Variants in NTRK1 observed in about 807,000 individuals in gnomAD.
NTRK1 encodes the protein high affinity nerve growth factor receptor.
A neutral mutation model predicts 86.8 loss-of-function variants in NTRK1; 62 were observed. The ratio of observed to expected loss-of-function variants is 0.71; its 90% confidence interval spans 0.58 to 0.88. The LOEUF (loss-of-function observed/expected upper bound fraction) is 0.88. NTRK1 is among the 40% of genes least tolerant of loss of function. The pLI, the probability that NTRK1 is intolerant of heterozygous loss-of-function variation, is 0.00. For synonymous variants in NTRK1, 469 were observed against 456.6 expected, an observed-to-expected ratio of 1.03 and a Z score of -0.35; for missense variants, 967 against 1,078.4, an observed-to-expected ratio of 0.90 and a Z score of 1.45.
chr1:156,852,036 C>T, intron 2 of NTRK1: 1 of 1,613,542 alleles, frequency 6.2e-7, no homozygotes, highest in Non-Finnish European at 8.5e-7. Context: ...TGGTAGGTGC[C>T]TGGCGGGCAG....
chr1:156,853,924 C>A (rs140302448), intron 2 of NTRK1: 10 of 1,613,980 alleles, frequency 6.2e-6, no homozygotes, highest in Non-Finnish European at 7.6e-6. Flanking sequence ...GCAGCAGTCC[C>A]CAGTCAATGG....
intron 1 of NTRK1, among the ~76,000 whole-genome samples, chr1:156,830,547 ATTCTTTTTT>A (rs1558077524): frequency 1.8e-5 from 2 of 110,732 alleles, no homozygotes; most frequent in Non-Finnish European, 3.6e-5. Flanking sequence ...AGGTTGTGGG[ATTCTTTTTT>A]TTTTTTTTTT....
At chr1:156,845,054 G>GGT (rs769468285) in intron 2 of NTRK1, 37 of 1,590,586 alleles carry the variant, frequency 2.3e-5, no homozygotes, top group Non-Finnish European at 2.8e-5. Context: ...GGGGGTAGAA[G>GGT]GTGTGTGTGT....
chr1:156,821,772 A>G (rs1654198019), intron 1 of NTRK1, among the ~76,000 whole-genome samples: 2 of 152,198 alleles, frequency 1.3e-5, no homozygotes, highest in Admixed American at 1.3e-4. Flanking sequence ...CACACGTTGG[A>G]GTAATCCACA....
chr1:156,827,045 G>T (rs1302520476), intron 1 of NTRK1, among the ~76,000 whole-genome samples: 1 of 151,512 alleles, frequency 6.6e-6, no homozygotes, highest in Non-Finnish European at 1.5e-5. Context: ...GCTCACTTCT[G>T]GGGGAAAAGA....
chr1:156,848,311 G>A (rs920874621), intron 2 of NTRK1, among the ~76,000 whole-genome samples: 5 of 152,188 alleles, frequency 3.3e-5, no homozygotes, highest in African/African-American at 1.2e-4. Context: ...CTACCAGAGA[G>A]AGAGAGCATG....
At chr1:156,836,635 G>T (rs536036383) in intron 1 of NTRK1, among the ~76,000 whole-genome samples, 29 of 152,278 alleles carry the variant, frequency 1.9e-4, no homozygotes, top group African/African-American at 6.7e-4. Flanking sequence ...CTTTCATGGT[G>T]GGAGTGCTGA....
intron 2 of NTRK1, chr1:156,846,426 C>T: frequency 1.9e-6 from 2 of 1,039,292 alleles, no homozygotes; most frequent in African/African-American, 1.6e-5. Context: ...GCCAGGTGTT[C>T]AGTGCCCCGG....
At chr1:156,871,877 C>T in intron 7 of NTRK1, 122 bp downstream of exon 7, 1 of 1,333,766 alleles carries the variant, frequency 7.5e-7, no homozygotes, top group Non-Finnish European at 1.1e-6. Flanking sequence ...TGCTCCCTCC[C>T]AGCTGTTTCC....
intron 1 of NTRK1, 103 bp downstream of exon 1, chr1:156,861,249 A>ACGG: frequency 1.5e-6 from 2 of 1,360,182 alleles, no homozygotes; most frequent in Non-Finnish European, 2.0e-6. Flanking sequence ...CAGGACGAGC[A>ACGG]CGGCGGAAGG....
Position 156,873,804 on chromosome 1 carries a change from T to C in NTRK1, c.1022T>C (p.Val341Ala), listed in dbSNP as rs1255451124. 1.9e-6 allele frequency: 3 copies of C among 1,613,122 alleles called. No homozygotes were observed. Among genetic ancestry groups the C allele is most frequent in the Non-Finnish European group, 2.5e-6 (3 of 1,179,664 alleles). Residue 341 changes from valine (V) to alanine (A), a missense_variant, in exon 8 of 17, where the codon GTG becomes GCG. By Grantham distance (64) the Val-to-Ala change is moderately conservative. Transcript: ENST00000524377. Reference protein sequence around the residue: ...EFLEPAANETVRHGCLRLNQP... With the variant: ...EFLEPAANETARHGCLRLNQP... ...CTGGAGCCGGCAGCCAATGAGACCG[T>C]GCGGCACGGGTGTCTGCGCCTCAAC...
At chr1:156,831,801 T>C (rs1245772588) in intron 1 of NTRK1, among the ~76,000 whole-genome samples, 4 of 152,166 alleles carry the variant, frequency 2.6e-5, no homozygotes, top group Non-Finnish European at 5.9e-5. Context: ...TCTCATAGAC[T>C]CTGAGTGCTG....
chr1:156,879,919 A>G, intron 15 of NTRK1, 80 bp from the exon 16 acceptor site: 1 of 1,567,374 alleles, frequency 6.4e-7, no homozygotes, highest in Non-Finnish European at 8.7e-7. Flanking sequence ...TTTATTTTTA[A>G]TGATGGGGCT....
intron 1 of NTRK1, among the ~76,000 whole-genome samples, chr1:156,819,110 C>G (rs557025072): frequency 1.2e-4 from 18 of 152,234 alleles, no homozygotes; most frequent in Middle Eastern, 3.4e-3. Flanking sequence ...TCAAGTGATT[C>G]TCCTGCCTCA....
At chr1:156,880,701 C>T (rs1648206985) in intron 16 of NTRK1, among the ~76,000 whole-genome samples, 2 of 152,312 alleles carry the variant, frequency 1.3e-5, no homozygotes, top group South Asian at 4.1e-4. Flanking sequence ...CAGTCTGCTC[C>T]CCGGAGGCTG....
chr1:156,861,375 C>T (rs967284933), intron 1 of NTRK1, among the ~76,000 whole-genome samples: 1 of 152,202 alleles, frequency 6.6e-6, no homozygotes, highest in Non-Finnish European at 1.5e-5. Context: ...GCTGGGCCGC[C>T]GGCTTCAGGG....
chr1:156,833,440 C>T (rs2102844078), intron 1 of NTRK1, among the ~76,000 whole-genome samples: 1 of 152,174 alleles, frequency 6.6e-6, no homozygotes, highest in South Asian at 2.1e-4. Flanking sequence ...CCCTATAATC[C>T]CAGCTACTCG....
At chr1:156,816,707 A>G (rs1476671760) in intron 1 of NTRK1, 3 of 1,599,714 alleles carry the variant, frequency 1.9e-6, no homozygotes, top group South Asian at 1.1e-5. Flanking sequence ...GGGGAACTCC[A>G]TGAGGGCAGC....
At chr1:156,845,214 C>A (rs897450558) in intron 2 of NTRK1, 15 of 1,609,528 alleles carry the variant, frequency 9.3e-6, no homozygotes, top group African/African-American at 4.0e-5. Flanking sequence ...TCACGGGGCA[C>A]CTTGTCCTCC....
Sources: gnomAD v4.1 joint callset for allele counts (sites outside exome capture counted in the v4.1 genomes callset) on GRCh38, gnomAD v4.1.1 for gene constraint, MANE v1.5 for transcripts, NCBI Gene and HGNC (gene_info 2026-07-23, HGNC 2026-07-21) for gene names.